The following PTP4A3 variants were observed in gnomAD, a reference collection of about 807,000 sequenced individuals.
PTP4A3 encodes protein tyrosine phosphatase 4A3, also known as protein tyrosine phosphatase type IVA 3.
PTP4A3 carries 9 observed loss-of-function variants against 15.2 expected under a neutral mutation model. That is an observed-to-expected ratio of 0.59 (90% confidence interval 0.36 to 1.03). The LOEUF is 1.03. Among genes scored for constraint, PTP4A3 ranks in the 50% least tolerant of loss-of-function variants. The pLI is 0.02. For synonymous variants in PTP4A3, 95 were observed against 102.0 expected (o/e 0.93, Z 0.41); for missense variants, 234 against 252.1 (o/e 0.93, Z 0.49).
At chr8:141,402,353 C>A (rs140855549) in intron 1 of PTP4A3, among the ~76,000 whole-genome samples, 185 of 152,324 alleles carry the variant, frequency 1.2e-3, no homozygotes, top group South Asian at 3.1e-3. Flanking sequence ...TAGGTCTGGA[C>A]CCTCCTGGAG....
intron 1 of PTP4A3, among the ~76,000 whole-genome samples, chr8:141,394,792 T>G (rs1832397092): frequency 6.6e-6 from 1 of 152,242 alleles, no homozygotes; most frequent in African/African-American, 2.4e-5. Flanking sequence ...AGCCCCGTCC[T>G]CTCTGCACAG....
intron 3 of PTP4A3, among the ~76,000 whole-genome samples, chr8:141,426,296 C>T (rs936742357): frequency 6.6e-6 from 1 of 152,224 alleles, no homozygotes; most frequent in African/African-American, 2.4e-5. Flanking sequence ...GGAAGACTCA[C>T]GTTGCCCACC....
intron 3 of PTP4A3, chr8:141,426,403 C>T (rs186067527): frequency 2.0e-5 from 20 of 981,506 alleles, no homozygotes; most frequent in Admixed American, 1.2e-4. Context: ...CCGGTGGAAC[C>T]GCCTGTTTCG....
chr8:141,417,609 G>A (rs539631705), intron 1 of PTP4A3, among the ~76,000 whole-genome samples: 1 of 152,112 alleles, frequency 6.6e-6, no homozygotes, highest in Non-Finnish European at 1.5e-5. Context: ...GAGGGGGCCA[G>A]GGGGAGCTCC....
intron 1 of PTP4A3, among the ~76,000 whole-genome samples, chr8:141,393,200 A>G (rs1207810902): frequency 6.6e-6 from 1 of 152,164 alleles, no homozygotes; most frequent in East Asian, 1.9e-4. Context: ...TCAGATGAGG[A>G]GACTGAGGCC....
chr8:141,402,944 G>A (rs913616793), intron 1 of PTP4A3, among the ~76,000 whole-genome samples: 1 of 152,148 alleles, frequency 6.6e-6, no homozygotes, highest in Non-Finnish European at 1.5e-5. Context: ...CCTGGCCAGC[G>A]GGCCGGTCCA....
chr8:141,425,185 G>A lies in PTP4A3; in HGVS notation c.198+45G>A. 1 of 1,462,474 alleles carries A rather than the reference G, an allele frequency of 6.8e-7. No homozygotes were observed. The highest frequency in any genetic ancestry group is 9.5e-7 in the Non-Finnish European group (1 of 1,049,910). 90.6% of individuals were successfully genotyped at this position (1,462,474 alleles called of 1,614,324 possible). ...GACCCTAGTCACTGCTGCCACCGGG[G>A]GAGGGTGGGGCGGGGGGCTCCGGGC... On this transcript the variant is annotated intron_variant, in intron 3 of 5. Coordinates refer to ENST00000521578, the MANE Select transcript of PTP4A3 (RefSeq NM_032611.3). The surrounding 1 kb of genome is among the most constrained non-coding windows in gnomAD (Gnocchi z 4.2).
intron 3 of PTP4A3, chr8:141,426,570 T>C (rs1412124758): frequency 1.0e-6 from 1 of 985,400 alleles, no homozygotes; most frequent in Non-Finnish European, 1.2e-6. Flanking sequence ...CCTCTCAGGC[T>C]GCCACCGGCA....
At chr8:141,401,398 G>A (rs1832586313) in intron 1 of PTP4A3, among the ~76,000 whole-genome samples, 1 of 152,186 alleles carries the variant, frequency 6.6e-6, no homozygotes, top group Non-Finnish European at 1.5e-5. Flanking sequence ...GGCTGGCCCT[G>A]GGGTAACTTG....
At chr8:141,405,865 T>C (rs978490383) in intron 1 of PTP4A3, among the ~76,000 whole-genome samples, 1 of 151,840 alleles carries the variant, frequency 6.6e-6, no homozygotes, top group South Asian at 2.1e-4. Context: ...AGCATGCTCC[T>C]GGCCTCCAGC....
chr8:141,395,760 G>A (rs1409665843), intron 1 of PTP4A3, among the ~76,000 whole-genome samples: 3 of 151,952 alleles, frequency 2.0e-5, no homozygotes, highest in East Asian at 1.9e-4. Flanking sequence ...TGCAGCCCCC[G>A]TTCATCTACC....
At chr8:141,393,883 G>A (rs574669968) in intron 1 of PTP4A3, among the ~76,000 whole-genome samples, 110 of 152,338 alleles carry the variant, frequency 7.2e-4, no homozygotes, top group African/African-American at 2.6e-3. Flanking sequence ...CACCATGGGT[G>A]GCTGGGCTCA....
intron 5 of PTP4A3, among the ~76,000 whole-genome samples, chr8:141,428,921 G>T (rs1482597509): frequency 6.6e-6 from 1 of 152,200 alleles, no homozygotes; most frequent in Non-Finnish European, 1.5e-5. Flanking sequence ...TACATGACAT[G>T]CACTCTCACA....
At position 141,421,409 on chromosome 8, in the gene PTP4A3, C is replaced by T. The variant is rs1462572820; in HGVS notation, c.-832C>T. 2 of 152,290 alleles carry T rather than the reference C, an allele frequency of 1.3e-5. No individual in the cohort carries two copies. The highest frequency in any genetic ancestry group is 4.8e-5 in the African/African-American group (2 of 41,452). 9.4% of individuals were successfully genotyped at this position (152,290 alleles called of 1,614,324 possible). On this transcript the variant is annotated 5_prime_UTR_variant, in exon 2 of 6. Coordinates refer to ENST00000521578, the MANE Select transcript of PTP4A3 (RefSeq NM_032611.3). ...ACAGATGCTGTGTGCTGTGGACCCA[C>T]CTGGGGTTCATGGAGTGGGCCACGG...
At chr8:141,416,918 G>GT (rs1167860485) in intron 1 of PTP4A3, among the ~76,000 whole-genome samples, 2 of 152,028 alleles carry the variant, frequency 1.3e-5, no homozygotes, top group Non-Finnish European at 2.9e-5. Flanking sequence ...GGACCAGGTT[G>GT]TTTGAGAGCT....
At chr8:141,395,147 G>A (rs914509942) in intron 1 of PTP4A3, among the ~76,000 whole-genome samples, 1 of 152,230 alleles carries the variant, frequency 6.6e-6, no homozygotes, top group Non-Finnish European at 1.5e-5. Context: ...GCCCGTGCCA[G>A]TGTGGGTGGG....
At chr8:141,414,624 G>GT (rs1832967222) in intron 1 of PTP4A3, among the ~76,000 whole-genome samples, 1 of 112,928 alleles carries the variant, frequency 8.9e-6, no homozygotes, top group African/African-American at 2.7e-5. Context: ...CCTGGACTGG[G>GT]GGGGGGGTAG....
intron 1 of PTP4A3, among the ~76,000 whole-genome samples, chr8:141,402,187 G>C (rs1832610793): frequency 6.6e-6 from 1 of 152,186 alleles, no homozygotes; most frequent in South Asian, 2.1e-4. Context: ...TGTGGGTGGA[G>C]CAGGTGAAGG....
At chr8:141,393,441 G>A (rs761617951) in intron 1 of PTP4A3, among the ~76,000 whole-genome samples, 2 of 152,174 alleles carry the variant, frequency 1.3e-5, no homozygotes, top group Non-Finnish European at 1.5e-5. Flanking sequence ...AAATAGCCCC[G>A]CTAGGGAGCT....
Sources: gnomAD v4.1 joint callset for allele counts (sites outside exome capture counted in the v4.1 genomes callset) on GRCh38, gnomAD v4.1.1 for gene constraint, Gnocchi (gnomAD v3.1) non-coding constraint, MANE v1.5 for transcripts, NCBI Gene and HGNC (gene_info 2026-07-23, HGNC 2026-07-21) for gene names.